The following ZNG1E variants were observed in gnomAD, a reference collection of about 807,000 sequenced individuals.
ZNG1E encodes the protein Zn regulated GTPase metalloprotein activator 1E.
the ZNG1E span, among the ~76,000 whole-genome samples, chr9:65,684,307 C>T: frequency 6.6e-6 from 1 of 151,290 alleles, no homozygotes. Flanking sequence ...GAGGCTGAGG[C>T]AGGTGGATCC....
At chr9:65,718,977 C>A in the ZNG1E span, among the ~76,000 whole-genome samples, 1 of 72,980 alleles carries the variant, frequency 1.4e-5, no homozygotes, top group African/African-American at 5.7e-5. Context: ...TTTTTTGCTG[C>A]ATATGAAGTT....
chr9:65,684,550 G>GCACGCGCACACA, the ZNG1E span, among the ~76,000 whole-genome samples: 1 of 132,772 alleles, frequency 7.5e-6, no homozygotes, highest in African/African-American at 3.1e-5. Context: ...ACACACGCAC[G>GCACGCGCACACA]CACACACACA....
chr9:65,663,779 T>A, the ZNG1E span, among the ~76,000 whole-genome samples: 3 of 151,198 alleles, frequency 2.0e-5, no homozygotes, highest in South Asian at 4.2e-4. Flanking sequence ...TTATTTAAAA[T>A]TTTAAAAATA....
the ZNG1E span, among the ~76,000 whole-genome samples, chr9:65,717,483 T>C: frequency 6.7e-6 from 1 of 149,386 alleles, no homozygotes; most frequent in African/African-American, 2.6e-5. Flanking sequence ...TTCTTCTTTT[T>C]ACTTCAAGGT....
the ZNG1E span, among the ~76,000 whole-genome samples, chr9:65,721,747 A>G: frequency 7.3e-5 from 11 of 150,498 alleles, no homozygotes; most frequent in African/African-American, 2.5e-4. Context: ...TAAATAGGGC[A>G]TATCTATATT....
the ZNG1E span, among the ~76,000 whole-genome samples, chr9:65,658,598 A>T: frequency 6.6e-6 from 1 of 151,566 alleles, no homozygotes; most frequent in Admixed American, 6.6e-5. Flanking sequence ...AAAAAAAAGA[A>T]TGGAGTTAGA....
the ZNG1E span, among the ~76,000 whole-genome samples, chr9:65,664,719 G>A: frequency 6.6e-6 from 1 of 152,072 alleles, no homozygotes; most frequent in African/African-American, 2.4e-5. Flanking sequence ...GGGCTCAGAA[G>A]ACAGGAATAT....
chr9:65,708,392 AT>A, the ZNG1E span: 1 of 160,580 alleles, frequency 6.2e-6, no homozygotes, highest in East Asian at 1.8e-4. Flanking sequence ...ATGCAGCCCC[AT>A]TCTGAATGAA....
At chr9:65,683,648 A>AT in the ZNG1E span, among the ~76,000 whole-genome samples, 2 of 152,052 alleles carry the variant, frequency 1.3e-5, no homozygotes, top group Non-Finnish European at 2.9e-5. Flanking sequence ...ATATTAAAGT[A>AT]TTTGGGGGTA....
chr9:65,693,570 T>G, the ZNG1E span: 3 of 1,154,408 alleles, frequency 2.6e-6, no homozygotes, highest in Non-Finnish European at 3.4e-6. Context: ...TTTTTTTTTT[T>G]TTTTTGAGAC....
the ZNG1E span, among the ~76,000 whole-genome samples, chr9:65,710,497 T>G: frequency 6.6e-6 from 1 of 151,914 alleles, no homozygotes; most frequent in South Asian, 2.1e-4. Flanking sequence ...GGTCAAACGT[T>G]TAAGTCTTTA....
chr9:65,706,702 TA>T, the ZNG1E span: 2 of 132,882 alleles, frequency 1.5e-5, no homozygotes, highest in Admixed American at 1.6e-4. Context: ...GATATTTTAT[TA>T]TTTTCTGTAA....
the ZNG1E span, among the ~76,000 whole-genome samples, chr9:65,717,129 C>G: frequency 2.4e-3 from 351 of 144,406 alleles, 1 homozygote; most frequent in Middle Eastern, 0.012. Context: ...TCTCCCTGAG[C>G]CTTTTTCCCT....
At chr9:65,709,406 G>T in the ZNG1E span, among the ~76,000 whole-genome samples, 2 of 147,204 alleles carry the variant, frequency 1.4e-5, no homozygotes, top group Non-Finnish European at 3.0e-5. Context: ...CAATGTGCAG[G>T]TTAGTTACAT....
chr9:65,668,406 G>A, the ZNG1E span, among the ~76,000 whole-genome samples: 14 of 143,198 alleles, frequency 9.8e-5, no homozygotes, highest in South Asian at 2.2e-4. Context: ...GATACTCCAC[G>A]TTTTATCCTA....
At chr9:65,686,826 C>T in the ZNG1E span, among the ~76,000 whole-genome samples, 22 of 152,176 alleles carry the variant, frequency 1.4e-4, no homozygotes, top group Non-Finnish European at 3.1e-4. Context: ...TGCTACCTTC[C>T]AACTTTTCTT....
At chr9:65,717,470 C>T in the ZNG1E span, among the ~76,000 whole-genome samples, 39 of 148,936 alleles carry the variant, frequency 2.6e-4, no homozygotes, top group Middle Eastern at 0.017. Flanking sequence ...CTCGATGATC[C>T]TTTTCTTCTT....
At chr9:65,681,364 T>C in the ZNG1E span, among the ~76,000 whole-genome samples, 1 of 152,198 alleles carries the variant, frequency 6.6e-6, no homozygotes, top group African/African-American at 2.4e-5. Context: ...AGGATGTGTC[T>C]TTTTTCAGGG....
the ZNG1E span, among the ~76,000 whole-genome samples, chr9:65,711,258 G>T: frequency 3.3e-5 from 4 of 122,744 alleles, no homozygotes; most frequent in African/African-American, 1.4e-4. Flanking sequence ...TTTGGGATGA[G>T]ATGATGGGGT....
Sources: allele counts gnomAD v4.1 joint callset (sites outside exome capture counted in the v4.1 genomes callset), GRCh38; gene constraint gnomAD v4.1.1; transcripts MANE v1.5; gene names NCBI Gene and HGNC (gene_info 2026-07-23, HGNC 2026-07-21).